RNF11: variants seen among roughly 807,000 people sequenced by gnomAD.
The protein encoded by RNF11 is ring finger protein 11.
In RNF11, 4 loss-of-function variants were observed where a neutral mutation model predicts 15.8. That is an observed-to-expected ratio of 0.25 (90% CI 0.12 to 0.58). The LOEUF (loss-of-function observed/expected upper bound fraction) is 0.58. Ranked by LOEUF, RNF11 falls within the 20% of genes least tolerant of loss-of-function variation. The probability of loss-of-function intolerance (pLI) is 0.91; values close to 1 mark genes in which losing one functional copy is unlikely to be tolerated. For synonymous variants in RNF11, 68 were observed against 72.3 expected (o/e 0.94, Z 0.30); for missense variants, 139 against 194.4 (o/e 0.71, Z 1.70).
At chr1:51,263,423 A>G (rs576068283) in intron 1 of RNF11, among the ~76,000 whole-genome samples, 1 of 152,322 alleles carries the variant, frequency 6.6e-6, no homozygotes, top group South Asian at 2.1e-4. Context: ...ATACACAGGC[A>G]TACCTTGTTT....
chr1:51,240,120 G>C (rs1351839532), intron 1 of RNF11, among the ~76,000 whole-genome samples: 2 of 152,146 alleles, frequency 1.3e-5, no homozygotes, highest in Admixed American at 6.6e-5. Flanking sequence ...CCAACCCTCT[G>C]TGTGGATCCT....
intron 1 of RNF11, among the ~76,000 whole-genome samples, chr1:51,246,080 A>G (rs912741639): frequency 3.9e-5 from 6 of 152,102 alleles, no homozygotes; most frequent in African/African-American, 1.4e-4. Context: ...AGCCTGACCA[A>G]CATAGAGAAA....
At chr1:51,243,327 C>T (rs1219664807) in intron 1 of RNF11, among the ~76,000 whole-genome samples, 2 of 152,170 alleles carry the variant, frequency 1.3e-5, no homozygotes, top group East Asian at 3.8e-4. Flanking sequence ...CTCATCAGTT[C>T]TTACAGCAAC....
In RNF11 at chr1:51,271,179, T is replaced by C. The variant is rs1384712734; in HGVS notation, c.322T>C (p.Tyr108His). 1.9e-6 allele frequency: 3 copies of C among 1,614,060 alleles called. No homozygotes were observed. Among genetic ancestry groups the C allele is most frequent in the Non-Finnish European group, 2.5e-6 (3 of 1,180,008 alleles). ...TGTGATCTGTATGATGGACTTTGTT[T>C]ATGGGGACCCAATTCGATTTCTGCC... ...ECVICMMDFV[Y>H]GDPIRFLPCM... is the part of the protein sequence containing the mutation. Residue 108 changes from tyrosine to histidine, a missense_variant, in exon 3 of 3, where the codon TAT becomes CAT. Physicochemically the swap from Tyr to His is moderately conservative, Grantham distance 83. Transcript: ENST00000242719.
Position 51,236,628 on chromosome 1 carries a change from G to A in RNF11, c.-129G>A, listed in dbSNP as rs372662708. On this transcript the variant is annotated 5_prime_UTR_variant, in exon 1 of 3. Transcript: ENST00000242719. The stretch of plus-strand genomic sequence containing the variant: ...CCCTCGGCGGCACCGTGGGGCGGTG[G>A]AGTCGCCTCCGCCTGATCCCCGGCC... The A allele has an allele frequency of 2.9e-4, 372 of 1,276,526 alleles. 5 individuals carry two copies. In the East Asian group the frequency reaches 8.7e-3, roughly 30 times the overall value. 79.1% of individuals were successfully genotyped at this position (1,276,526 alleles called of 1,614,324 possible).
rs1646979595 is a variant in RNF11 at position 51,271,722 on chromosome 1, T to C, written c.*400T>C. 1 of 155,294 alleles carries C rather than the reference T, an allele frequency of 6.4e-6. No homozygotes were observed. 9.6% of individuals were successfully genotyped at this position (155,294 alleles called of 1,614,324 possible). ...TTCCCCTTCCCCACCCGAATTCTTTTCTGAAGTTGCTGGCATTTGGGTCAA... is the reference window on the plus strand; with the variant it reads ...TTCCCCTTCCCCACCCGAATTCTTTCCTGAAGTTGCTGGCATTTGGGTCAA... On this transcript the variant is annotated 3_prime_UTR_variant, in exon 3 of 3. Transcript: ENST00000242719.
At chr1:51,264,287 A>AAAAT (rs1557682286) in intron 1 of RNF11, among the ~76,000 whole-genome samples, 27 of 32,510 alleles carry the variant, frequency 8.3e-4, no homozygotes, top group Non-Finnish European at 1.5e-3. Flanking sequence ...AAAAAAAAAA[A>AAAAT]ATATATATAT....
rs1490610579 is a variant in RNF11, at chr1:51,272,494, G to A, written c.*1172G>A. On this transcript the variant is annotated 3_prime_UTR_variant, in exon 3 of 3. Coordinates refer to ENST00000242719, the MANE Select transcript of RNF11 (RefSeq NM_014372.5). ...TGTTTTGCACACAAACGCAGAATTT[G>A]TATAACCATATGACTTCATAGTTGT... 2 of 152,582 alleles carry A rather than the reference G, an allele frequency of 1.3e-5. No individual in the cohort carries two copies. Among genetic ancestry groups the A allele is most frequent in the Non-Finnish European group, 2.9e-5 (2 of 67,998 alleles). The allele number at this position is 152,582 out of a possible 1,614,324, so 9.5% of individuals were successfully genotyped here. A position where few individuals can be genotyped will look rare whatever the true frequency, so the allele number is the denominator to read the frequency against.
chr1:51,255,499 A>G (rs760863050), intron 1 of RNF11, among the ~76,000 whole-genome samples: 4 of 152,198 alleles, frequency 2.6e-5, no homozygotes, highest in East Asian at 3.8e-4. Context: ...GGCTTAAGCA[A>G]TTCTACCTTG....
rs756368829 is a variant in RNF11 at position 51,236,727 on chromosome 1, C to T, written c.-30C>T. The T allele has an allele frequency of 6.8e-6, 11 of 1,608,136 alleles. No homozygotes were observed. Among genetic ancestry groups the T allele is most frequent in the Admixed American group, 5.1e-5 (3 of 59,374 alleles). The stretch of plus-strand genomic sequence containing the variant: ...AACGACCCCACCGCTGCTTTCTCCT[C>T]CCCCAGATCACGCACCCCAGCTCCG... On this transcript the variant is annotated 5_prime_UTR_variant, in exon 1 of 3. Coordinates refer to ENST00000242719, the MANE Select transcript of RNF11 (RefSeq NM_014372.5).
intron 1 of RNF11, 50 bp from the exon 2 acceptor site, chr1:51,269,906 C>T (rs539367039): frequency 1.5e-5 from 23 of 1,526,982 alleles, no homozygotes; most frequent in African/African-American, 1.4e-4. Context: ...AATAAGCCCT[C>T]GAAAGGTTTT....
chr1:51,236,618 T>TGGGGGGGG lies in RNF11; in HGVS notation c.-135_-134insGGGGGGGG. 1 of 1,090,740 alleles carries TGGGGGGGG rather than the reference T, an allele frequency of 9.2e-7. No homozygotes were observed. The highest frequency in any genetic ancestry group is 1.3e-6 in the Non-Finnish European group (1 of 770,460). The allele number at this position is 1,090,740 out of a possible 1,614,324, so 67.6% of individuals were successfully genotyped here. A position where few individuals can be genotyped will look rare whatever the true frequency, so the allele number is the denominator to read the frequency against. ...CATGAGCGGCCCCTCGGCGGCACCGTGGGGCGGTGGAGTCGCCTCCGCCTG... is the reference window on the plus strand; with the variant it reads ...CATGAGCGGCCCCTCGGCGGCACCGTGGGGGGGGGGGGCGGTGGAGTCGCCTCCGCCTG... On this transcript the variant is annotated 5_prime_UTR_variant, in exon 1 of 3. The change abolishes the stop of an existing upstream ORF in the 5' untranslated region. Transcript: ENST00000242719.
At chr1:51,243,071 T>A (rs937005813) in intron 1 of RNF11, among the ~76,000 whole-genome samples, 1 of 152,224 alleles carries the variant, frequency 6.6e-6, no homozygotes, top group Admixed American at 6.5e-5. Context: ...TGATTTGTCA[T>A]GTACAGTTTT....
intron 1 of RNF11, among the ~76,000 whole-genome samples, chr1:51,241,549 A>G (rs886549376): frequency 1.3e-5 from 2 of 152,248 alleles, no homozygotes; most frequent in African/African-American, 2.4e-5. Context: ...TACCGTGTAT[A>G]TATATCACCG....
At chr1:51,245,808 T>C (rs1432360425) in intron 1 of RNF11, among the ~76,000 whole-genome samples, 2 of 152,202 alleles carry the variant, frequency 1.3e-5, no homozygotes, top group Non-Finnish European at 2.9e-5. Flanking sequence ...TCCCTAACTC[T>C]GTACCTGAAG....
chr1:51,247,364 T>C (rs1041439606), intron 1 of RNF11, among the ~76,000 whole-genome samples: 41 of 152,138 alleles, frequency 2.7e-4, no homozygotes, highest in African/African-American at 9.2e-4. Flanking sequence ...CACAGGCTCA[T>C]GCCACCACAT....
chr1:51,245,644 G>C (rs1012020000), intron 1 of RNF11, among the ~76,000 whole-genome samples: 2 of 151,792 alleles, frequency 1.3e-5, no homozygotes, highest in African/African-American at 2.4e-5. Context: ...GTAGAGATGG[G>C]GTTTCACCAT....
chr1:51,264,359 G>A lies in RNF11; in HGVS notation c.124-5597G>A, dbSNP rs561770550. On this transcript the variant is annotated intron_variant, in intron 1 of 2. Transcript: ENST00000242719. ...ACACACATTTATCAGGAAGATAGAT[G>A]TGATGCTAGCTTTTACATCTCTCTG... Among the ~76,000 whole-genome samples, 30 of 134,328 alleles carry A rather than the reference G, an allele frequency of 2.2e-4. 1 individual carries two copies. In the South Asian group the frequency reaches 5.8e-3, roughly 26 times the overall value. The allele number at this position is 134,328 out of a possible 152,430, so 88.1% of individuals were successfully genotyped here.
chr1:51,244,334 G>A (rs572458833), intron 1 of RNF11, among the ~76,000 whole-genome samples: 17 of 152,012 alleles, frequency 1.1e-4, no homozygotes, highest in Admixed American at 5.9e-4. Context: ...TATAAAGTAC[G>A]TTGAGCTTTG....
Sources: allele counts gnomAD v4.1 joint callset (sites outside exome capture counted in the v4.1 genomes callset), GRCh38; gene constraint gnomAD v4.1.1; transcripts MANE v1.5; gene names NCBI Gene and HGNC (gene_info 2026-07-23, HGNC 2026-07-21).